Variants in RUBCN observed in about 807,000 individuals in gnomAD.
RUBCN encodes the protein rubicon autophagy regulator, also known as run domain Beclin-1-interacting and cysteine-rich domain-containing protein.
In RUBCN, 74 loss-of-function variants were observed where a neutral mutation model predicts 113.2. The observed-to-expected ratio is 0.65, with a 90% CI of 0.54 to 0.79. The LOEUF (loss-of-function observed/expected upper bound fraction) is 0.79. Ranked by LOEUF, RUBCN falls within the 30% of genes least tolerant of loss-of-function variation. The pLI is 0.00. For missense variants in RUBCN, 1,109 were observed against 1,251.7 expected, an observed-to-expected ratio of 0.89 and a Z score of 1.72; for synonymous variants, 480 against 490.0, an observed-to-expected ratio of 0.98 and a Z score of 0.27.
At chr3:197,744,569 T>C (rs918853828) in intron 1 of RUBCN, among the ~76,000 whole-genome samples, 2 of 152,206 alleles carry the variant, frequency 1.3e-5, no homozygotes, top group African/African-American at 4.8e-5. Context: ...GACTGAACGC[T>C]TTCCCTCTGG....
At chr3:197,749,441 C>G in exon 1 of RUBCN, 1 of 1,241,800 alleles carries the variant, frequency 8.1e-7, no homozygotes, top group Non-Finnish European at 1.0e-6. Flanking sequence ...TGCGGCAGCT[C>G]AGCGCAGCTG....
In RUBCN at chr3:197,669,475, CATG is replaced by C. The variant is rs1273516647; in HGVS notation, c.*5540_*5542del. ...TGTTTATGTTGTTTGTTGTTTTTCT[CATG>C]ATTAGACTGAGGTTATGGGTTTCTG... On this transcript the variant is annotated 3_prime_UTR_variant, in exon 20 of 20. Transcript: ENST00000296343. 6.6e-6 allele frequency among the ~76,000 whole-genome samples: 1 copy of C among 152,258 alleles called. No homozygotes were observed. The highest frequency in any genetic ancestry group is 1.9e-4 in the East Asian group (1 of 5,186).
chr3:197,748,078 C>A (rs1728829616), intron 1 of RUBCN: 1 of 152,124 alleles, frequency 6.6e-6, no homozygotes, highest in Non-Finnish European at 1.5e-5. Flanking sequence ...ATTACAGGTG[C>A]CCACCATCAT....
At chr3:197,699,228 C>A in intron 7 of RUBCN, 1 of 1,548,952 alleles carries the variant, frequency 6.5e-7, no homozygotes, top group Non-Finnish European at 8.7e-7. Flanking sequence ...ATTCCTGGGG[C>A]CTCCTGCCGG....
chr3:197,733,167 C>T (rs964722191), intron 1 of RUBCN, among the ~76,000 whole-genome samples: 1 of 152,182 alleles, frequency 6.6e-6, no homozygotes, highest in Non-Finnish European at 1.5e-5. Flanking sequence ...AAGTTTCATC[C>T]TTCATTTTTA....
intron 11 of RUBCN, among the ~76,000 whole-genome samples, chr3:197,689,575 A>G (rs1291339178): frequency 6.6e-6 from 1 of 152,154 alleles, no homozygotes; most frequent in Non-Finnish European, 1.5e-5. Flanking sequence ...GGGAGTCAGG[A>G]TAACTCCTCC....
intron 10 of RUBCN, 197 bp downstream of exon 10, chr3:197,694,178 A>G (rs907276352): frequency 5.7e-6 from 4 of 703,254 alleles, no homozygotes; most frequent in Non-Finnish European, 1.0e-5. Context: ...GGCGTGAGCC[A>G]CTCTGCCTGG....
chr3:197,673,156 G>A lies in RUBCN; in HGVS notation c.*1862C>T, dbSNP rs1030587374. 1 of 152,190 alleles carries A rather than the reference G, an allele frequency of 6.6e-6. No homozygotes were observed. The highest frequency in any genetic ancestry group is 1.5e-5 in the Non-Finnish European group (1 of 68,052). 9.4% of individuals were successfully genotyped at this position (152,190 alleles called of 1,614,324 possible). On this transcript the variant is annotated 3_prime_UTR_variant, in exon 20 of 20. Transcript: ENST00000296343. ...AGTCACAGCCCTTCAGAACTTCTGG[G>A]ACTTGGCTTTTTGAGTCTCACTATG... is the stretch of plus-strand genomic sequence containing the variant.
At chr3:197,682,440 C>A in intron 14 of RUBCN, 30 bp downstream of exon 14, 1 of 1,613,850 alleles carries the variant, frequency 6.2e-7, no homozygotes, top group Non-Finnish European at 8.5e-7. Context: ...CGGATCTGTG[C>A]TCCAAAGGGC....
At chr3:197,677,364 C>T in intron 17 of RUBCN, 116 bp downstream of exon 17, 1 of 901,704 alleles carries the variant, frequency 1.1e-6, no homozygotes, top group Non-Finnish European at 1.9e-6. Flanking sequence ...TACCACTTTA[C>T]AGTTCTGCAA....
chr3:197,736,482 C>T (rs1728140160), intron 1 of RUBCN, among the ~76,000 whole-genome samples, 173 bp downstream of exon 1: 1 of 139,294 alleles, frequency 7.2e-6, no homozygotes, highest in African/African-American at 2.6e-5. Context: ...TTCGTCCCAT[C>T]CCCGCCCCGC....
At chr3:197,682,647 C>T (rs757871543) in intron 13 of RUBCN, 32 bp from the exon 14 acceptor site, 20 of 1,600,772 alleles carry the variant, frequency 1.2e-5, no homozygotes, top group African/African-American at 2.7e-5. Flanking sequence ...GGGGTAAGCT[C>T]GTGTCAGTGT....
chr3:197,722,327 GATATCAT>G (rs1285458736), intron 1 of RUBCN, among the ~76,000 whole-genome samples: 1 of 152,016 alleles, frequency 6.6e-6, no homozygotes, highest in Non-Finnish European at 1.5e-5. Flanking sequence ...CCTACCATAT[GATATCAT>G]ATATCCTGGA....
In RUBCN at chr3:197,693,606, C is replaced by T. The variant is rs1580219455; in HGVS notation, c.1786+109G>A. On this transcript the variant is annotated intron_variant, in intron 11 of 19. Transcript: ENST00000296343. ...GAAGGCTGTCCCTTACAATAGCTAA[C>T]AACAATCCATAATGAAGATCTTCTA... 5.0e-6 allele frequency: 4 copies of T among 805,676 alleles called. No individual in the cohort carries two copies. The East Asian group carries it at 1.1e-4, about 22-fold the overall frequency. 49.9% of individuals were successfully genotyped at this position (805,676 alleles called of 1,614,324 possible).
At chr3:197,700,320 G>A in intron 7 of RUBCN, 1 of 526,096 alleles carries the variant, frequency 1.9e-6, no homozygotes, top group Non-Finnish European at 3.3e-6. Flanking sequence ...CCCAATCCAA[G>A]AGATACTTTG....
At chr3:197,713,573 T>C (rs1244278899) in intron 2 of RUBCN, among the ~76,000 whole-genome samples, 1 of 152,126 alleles carries the variant, frequency 6.6e-6, no homozygotes, top group African/African-American at 2.4e-5. Context: ...TTTGGTAATG[T>C]TGTGCTCGGG....
In RUBCN at chr3:197,718,090, C is replaced by T; in HGVS notation, c.106G>A (p.Val36Met). ...CTGTTGGTTGATACCAAACCCTCCACCGTCGTCTTCAAATTACCCAGCAAC... is the reference window on the plus strand; with the variant it reads ...CTGTTGGTTGATACCAAACCCTCCATCGTCGTCTTCAAATTACCCAGCAAC... ...WQLLGNLKTT[V>M]EGLVSTNSPN... Residue 36 changes from valine to methionine, a missense_variant, in exon 2 of 20, where the codon GTG becomes ATG. Around this residue, in one of 3 missense-constraint regions of RUBCN, gnomAD observed 736 missense variants for 779.6 expected, o/e 0.94. Transcript: ENST00000296343. 1 of 1,614,240 alleles carries T rather than the reference C, an allele frequency of 6.2e-7. No homozygotes were observed. The highest frequency in any genetic ancestry group is 8.5e-7 in the Non-Finnish European group (1 of 1,180,046).
intron 2 of RUBCN, among the ~76,000 whole-genome samples, chr3:197,707,781 A>G (rs1031494308): frequency 2.6e-5 from 4 of 151,954 alleles, no homozygotes; most frequent in Non-Finnish European, 5.9e-5. Context: ...CCTGGTCAAC[A>G]TGGTGAAACC....
upstream of RUBCN, among the ~76,000 whole-genome samples, chr3:197,739,417 GGC>G (rs1728416398): frequency 6.6e-6 from 1 of 151,230 alleles, no homozygotes; most frequent in Non-Finnish European, 1.5e-5. Flanking sequence ...AAAAAGGCCG[GGC>G]GTGGTGGCTC....
Sources: gnomAD v4.1 joint callset for allele counts (sites outside exome capture counted in the v4.1 genomes callset) on GRCh38, gnomAD v4.1.1 for gene constraint, gnomAD v4.1.1 regional missense constraint, MANE v1.5 for transcripts, NCBI Gene and HGNC (gene_info 2026-07-23, HGNC 2026-07-21) for gene names.